The following SCARA3 variants were observed in gnomAD, a reference collection of about 807,000 sequenced individuals.
SCARA3 encodes scavenger receptor class A member 3.
A neutral mutation model predicts 47.0 loss-of-function variants in SCARA3; 39 were observed. That is an observed-to-expected ratio of 0.83 (90% CI 0.64 to 1.08). The LOEUF is 1.08. Ranked by LOEUF, SCARA3 falls within the 50% of genes least tolerant of loss-of-function variation. The probability of loss-of-function intolerance (pLI) is 0.00; values close to 1 mark genes in which losing one functional copy is unlikely to be tolerated. For synonymous variants in SCARA3, 356 were observed against 334.1 expected, an observed-to-expected ratio of 1.07 and a Z score of -0.71; for missense variants, 724 against 792.3, an observed-to-expected ratio of 0.91 and a Z score of 1.04.
Position 27,672,720 on chromosome 8 carries a change from C to A in SCARA3, c.*1369C>A. The A allele has an allele frequency of 3.0e-6, 3 of 985,598 alleles. No individual in the cohort carries two copies. The highest frequency in any genetic ancestry group is 4.7e-5 in the South Asian group (1 of 21,292). 61.1% of individuals were successfully genotyped at this position (985,598 alleles called of 1,614,324 possible). ...GCAGAGAGGGGCGCTGGGAAATCAC[C>A]CCACAGGGTGGAGGTCTCCTGTTGG... On this transcript the variant is annotated 3_prime_UTR_variant, in exon 6 of 6. Coordinates refer to ENST00000301904, the MANE Select transcript of SCARA3 (RefSeq NM_016240.3).
the SCARA3 span, among the ~76,000 whole-genome samples, chr8:27,718,945 AAC>A: frequency 6.6e-6 from 1 of 152,254 alleles, no homozygotes; most frequent in Non-Finnish European, 1.5e-5. Context: ...CGGGAAATCC[AAC>A]AGTCTCAAGA....
downstream of SCARA3, among the ~76,000 whole-genome samples, chr8:27,678,785 A>C (rs2128925540): frequency 6.6e-6 from 1 of 152,366 alleles, no homozygotes; most frequent in South Asian, 2.1e-4. Context: ...TAAATATAGA[A>C]GTAAAAGCTT....
the SCARA3 span, among the ~76,000 whole-genome samples, chr8:27,699,185 A>G: frequency 4.6e-5 from 7 of 151,712 alleles, no homozygotes; most frequent in African/African-American, 1.7e-4. Context: ...CGGAGCTTGC[A>G]GTGAGCCGAG....
chr8:27,664,078 C>A (rs62497972), intron 5 of SCARA3, among the ~76,000 whole-genome samples: 2 of 152,336 alleles, frequency 1.3e-5, no homozygotes, highest in African/African-American at 4.8e-5. Context: ...CACTTGACCT[C>A]TGGAAATTTC....
At chr8:27,638,855 T>A (rs905106140) in intron 1 of SCARA3, among the ~76,000 whole-genome samples, 2 of 152,168 alleles carry the variant, frequency 1.3e-5, no homozygotes, top group Non-Finnish European at 2.9e-5. Flanking sequence ...TGGGCTGGGC[T>A]CTTTTCCTGG....
chr8:27,693,014 A>T, the SCARA3 span, among the ~76,000 whole-genome samples: 1 of 152,020 alleles, frequency 6.6e-6, no homozygotes, highest in Admixed American at 6.6e-5. Flanking sequence ...TAGTCCCAGC[A>T]AGTTGGGAGG....
intron 1 of SCARA3, among the ~76,000 whole-genome samples, chr8:27,647,528 C>G (rs1414194842): frequency 6.6e-6 from 1 of 152,168 alleles, no homozygotes; most frequent in African/African-American, 2.4e-5. Flanking sequence ...TTGAGCCTTT[C>G]TCTGTGCCGG....
At chr8:27,722,788 C>T in the SCARA3 span, among the ~76,000 whole-genome samples, 1 of 152,184 alleles carries the variant, frequency 6.6e-6, no homozygotes. Flanking sequence ...TTGTTTTCTG[C>T]TGCTTCCCCA....
chr8:27,683,450 G>A, the SCARA3 span, among the ~76,000 whole-genome samples: 11,842 of 152,088 alleles, frequency 0.078, 516 homozygotes, highest in East Asian at 0.22. Context: ...ATACATTATA[G>A]AATCATAAAA....
At chr8:27,688,230 T>G in the SCARA3 span, among the ~76,000 whole-genome samples, 1 of 152,296 alleles carries the variant, frequency 6.6e-6, no homozygotes, top group South Asian at 2.1e-4. Flanking sequence ...CTGTAATTAG[T>G]GGCCTGTGTA....
chr8:27,694,210 C>G, the SCARA3 span, among the ~76,000 whole-genome samples: 1 of 152,138 alleles, frequency 6.6e-6, no homozygotes, highest in Non-Finnish European at 1.5e-5. Context: ...AGTAAGAATC[C>G]TTACTTCATA....
At chr8:27,688,927 C>A in the SCARA3 span, among the ~76,000 whole-genome samples, 1 of 152,056 alleles carries the variant, frequency 6.6e-6, no homozygotes, top group Non-Finnish European at 1.5e-5. Context: ...TACATACATG[C>A]GTATGTTTTT....
the SCARA3 span, among the ~76,000 whole-genome samples, chr8:27,721,401 C>A: frequency 1.3e-5 from 2 of 152,080 alleles, no homozygotes; most frequent in Admixed American, 6.5e-5. Context: ...TCTTATGGAA[C>A]TTATTTGGGG....
chr8:27,731,876 G>C, the SCARA3 span, among the ~76,000 whole-genome samples: 1 of 151,250 alleles, frequency 6.6e-6, no homozygotes, highest in African/African-American at 2.4e-5. Context: ...AGGCTAGGCT[G>C]GTTCCAGGGC....
chr8:27,668,561 A>AAAAAAAAAAAG (rs1802072801), intron 5 of SCARA3, among the ~76,000 whole-genome samples: 6 of 149,508 alleles, frequency 4.0e-5, no homozygotes, highest in Non-Finnish European at 1.5e-5. Context: ...AAAAAAAAAA[A>AAAAAAAAAAAG]AGAAATCACA....
the SCARA3 span, among the ~76,000 whole-genome samples, chr8:27,693,556 C>T: frequency 0.47 from 70,809 of 151,828 alleles, 16,806 homozygotes; most frequent in Middle Eastern, 0.59. Context: ...TTCTAAAGCT[C>T]CCCCAACTAT....
Position 27,645,419 on chromosome 8 carries a change from A to G in SCARA3, c.8-4283A>G, listed in dbSNP as rs35980966. On this transcript the variant is annotated intron_variant, in intron 1 of 5. Coordinates refer to ENST00000301904, the MANE Select transcript of SCARA3 (RefSeq NM_016240.3). Reference sequence around the variant, plus strand: ...GACCACAGGGATGTAGCAAACTGCTAGGAGCGTGACCTGTCAACAGATATC... The same window carrying G: ...GACCACAGGGATGTAGCAAACTGCTGGGAGCGTGACCTGTCAACAGATATC... 3.5e-3 allele frequency among the ~76,000 whole-genome samples: 529 copies of G among 152,392 alleles called. 4 individuals are homozygous for G. Among genetic ancestry groups the G allele is most frequent in the Admixed American group, 8.4e-3 (129 of 15,310 alleles).
intron 3 of SCARA3, 44 bp downstream of exon 3, chr8:27,651,671 G>A (rs746575678): frequency 5.6e-6 from 9 of 1,605,812 alleles, no homozygotes; most frequent in Non-Finnish European, 7.7e-6. Context: ...GGGGGTGTCT[G>A]ATCAGGGATC....
In SCARA3 at chr8:27,671,316, C is replaced by A. The variant is rs1280482628; in HGVS notation, c.1786C>A (p.Pro596Thr). ...CCAGGGTCCCCCTGGTCTCCCGGGG[C>A]CTCCAGGTCCACCAGGAAGCCAGAG... Reference protein sequence around the residue: ...GIQGPPGLPGPPGPPGSQSFY With the variant: ...GIQGPPGLPGTPGPPGSQSFY Residue 596 changes from proline (P) to threonine (T), a missense_variant, in exon 6 of 6, where the codon CCT becomes ACT. Transcript: ENST00000301904. 7.0e-7 allele frequency: 1 copy of A among 1,428,764 alleles called. No individual in the cohort carries two copies. The allele number at this position is 1,428,764 out of a possible 1,614,324, so 88.5% of individuals were successfully genotyped here. A position where few individuals can be genotyped will look rare whatever the true frequency, so the allele number is the denominator to read the frequency against.
Sources: allele counts gnomAD v4.1 joint callset (sites outside exome capture counted in the v4.1 genomes callset), GRCh38; gene constraint gnomAD v4.1.1; transcripts MANE v1.5; gene names NCBI Gene and HGNC (gene_info 2026-07-23, HGNC 2026-07-21).